The following MMS19 variants were observed in gnomAD, a reference collection of about 807,000 sequenced individuals.
The protein encoded by MMS19 is MMS19 nucleotide excision repair protein homolog.
Under a neutral mutation model 129.8 loss-of-function variants are expected in MMS19, and 77 were observed. That is an observed-to-expected ratio of 0.59 (90% CI 0.49 to 0.72). The LOEUF is 0.72. Ranked by LOEUF, MMS19 falls within the 30% of genes least tolerant of loss-of-function variation. The pLI is 0.00. For synonymous variants in MMS19, 491 were observed against 502.8 expected (o/e 0.98, Z 0.31); for missense variants, 1,168 against 1,266.3 (o/e 0.92, Z 1.18).
chr10:97,489,656 T>C (rs1442391316), intron 1 of MMS19, among the ~76,000 whole-genome samples: 2 of 152,226 alleles, frequency 1.3e-5, no homozygotes, highest in Non-Finnish European at 2.9e-5. Flanking sequence ...CAATTAAGAA[T>C]ACCAAATTGC....
chr10:97,464,591 A>G (rs980904344), intron 18 of MMS19, among the ~76,000 whole-genome samples: 1 of 152,182 alleles, frequency 6.6e-6, no homozygotes, highest in Admixed American at 6.5e-5. Context: ...ACAAGCTCCC[A>G]GATGTCACCC....
In MMS19 at chr10:97,470,202, A is replaced by G. The variant is rs1488440107; in HGVS notation, c.773T>C (p.Phe258Ser). Residue 258 changes from phenylalanine (F) to serine (S), a missense_variant and splice_region_variant, in exon 10 of 31, where the codon TTT (phenylalanine) becomes TCT (serine). Phe to Ser is a radical substitution (Grantham distance 155). This residue lies in a region of MMS19 where 329 missense variants were observed against 328.6 expected (regional missense o/e 1.00). Transcript: ENST00000438925. Reference sequence around the variant, plus strand: ...TTTCTCAATCAACAGGGGCAGCAGAAACTGTGGGACAGAAGGAAGATCTTA... The same window carrying G: ...TTTCTCAATCAACAGGGGCAGCAGAGACTGTGGGACAGAAGGAAGATCTTA... ...VLASTPRFAE[F>S]LLPLLIEKVD... The G allele has an allele frequency of 3.7e-6, 6 of 1,603,744 alleles. No homozygotes were observed. The highest frequency in any genetic ancestry group is 5.1e-6 in the Non-Finnish European group (6 of 1,174,742).
chr10:97,483,080 G>A (rs909169129), intron 2 of MMS19, among the ~76,000 whole-genome samples: 4 of 151,018 alleles, frequency 2.6e-5, no homozygotes, highest in Non-Finnish European at 4.4e-5. Context: ...TTTTGATGGG[G>A]GTCTCACTCT....
In MMS19 at chr10:97,461,858, A is replaced by T. The variant is rs921305081; in HGVS notation, c.2154T>A (p.Leu718=). The T allele has an allele frequency of 5.6e-6, 9 of 1,609,680 alleles. No homozygotes were observed. The highest frequency in any genetic ancestry group is 7.6e-6 in the Non-Finnish European group (9 of 1,178,078). The part of the protein sequence containing the change: ...SSGQRRLIAL[L]MAFVCSLPRN... ...GAGGCAGGGAGCAGACAAAGGCCAT[A>T]AGCAGTGCAATCAGCCGCCTCTGCC... Residue 718 remains leucine (L), a synonymous_variant, in exon 22 of 31, where the codon CTT becomes CTA. Coordinates refer to ENST00000438925, the MANE Select transcript of MMS19 (RefSeq NM_022362.5).
intron 2 of MMS19, among the ~76,000 whole-genome samples, 177 bp from the exon 3 acceptor site, chr10:97,481,219 A>G (rs931205262): frequency 1.3e-5 from 2 of 152,188 alleles, no homozygotes; most frequent in African/African-American, 2.4e-5. Context: ...GATACCAGTA[A>G]GGACAGAAGG....
intron 1 of MMS19, 84 bp from the exon 2 acceptor site, chr10:97,484,235 G>T: frequency 2.1e-6 from 2 of 962,864 alleles, no homozygotes; most frequent in Non-Finnish European, 3.0e-6. Flanking sequence ...AATGTTTCCT[G>T]CCTGCCCTAG....
rs1244107165 is a variant in MMS19, at chr10:97,469,734, A to C, written c.847-11T>G. 2 of 1,612,908 alleles carry C rather than the reference A, an allele frequency of 1.2e-6. No individual in the cohort carries two copies. The highest frequency in any genetic ancestry group is 1.7e-6 in the Non-Finnish European group (2 of 1,179,120). ...AGCACAGCAAGCATTCTGCCAAGGA[A>C]ACCGCTGCTATCAGTTATGTACACA... On this transcript the variant is annotated splice_polypyrimidine_tract_variant and intron_variant, in intron 10 of 30. Coordinates refer to ENST00000438925, the MANE Select transcript of MMS19 (RefSeq NM_022362.5).
chr10:97,481,711 A>G (rs1325083567), intron 2 of MMS19, among the ~76,000 whole-genome samples: 1 of 152,152 alleles, frequency 6.6e-6, no homozygotes, highest in Non-Finnish European at 1.5e-5. Context: ...CATACTAGAA[A>G]TAATCTAAGC....
chr10:97,478,148 A>G (rs1244105587), intron 4 of MMS19, among the ~76,000 whole-genome samples, 156 bp downstream of exon 4: 1 of 152,222 alleles, frequency 6.6e-6, no homozygotes. Flanking sequence ...TTTACTCTCT[A>G]GAGGGAAAAC....
chr10:97,493,883 T>C (rs2039366304), intron 1 of MMS19, among the ~76,000 whole-genome samples: 1 of 152,022 alleles, frequency 6.6e-6, no homozygotes, highest in African/African-American at 2.4e-5. Context: ...TGTGTGGTGA[T>C]GCATGCTTGT....
intron 1 of MMS19, among the ~76,000 whole-genome samples, chr10:97,486,862 C>CACATATATATATATATATATATATATAT (rs1491353044): frequency 1.2e-5 from 1 of 85,080 alleles, no homozygotes; most frequent in African/African-American, 4.1e-5. Flanking sequence ...ATTAAAGTGC[C>CACATATATATATATATATATATATATAT]ATATATATAT....
In MMS19 at chr10:97,465,771, G is replaced by A. The variant is rs761741926; in HGVS notation, c.1756+34C>T. On this transcript the variant is annotated intron_variant, in intron 18 of 30. Transcript: ENST00000438925. The stretch of plus-strand genomic sequence containing the variant: ...CTTAGAGACTACAGCTCCCTATTCA[G>A]CCCAGTCCGTTGGTGGTTATTCCTA... The A allele has an allele frequency of 8.1e-6, 13 of 1,596,028 alleles. No individual in the cohort carries two copies. The South Asian group carries it at 1.5e-4, about 18-fold the overall frequency.
Position 97,469,650 on chromosome 10 carries a change from C to G in MMS19, c.920G>C (p.Arg307Thr). 1.9e-6 allele frequency: 3 copies of G among 1,613,374 alleles called. No homozygotes were observed. Among genetic ancestry groups the G allele is most frequent in the Non-Finnish European group, 2.5e-6 (3 of 1,179,330 alleles). ...GTTTATCTGAGTGACACTCACCTCT[C>G]TGCGGATAGAAGCCCAAAGGCTGGG... ...FLPSLWASIR[R>T]EVFQTASERV... Residue 307 changes from arginine (R) to threonine (T), a missense_variant, in exon 11 of 31, where the codon AGA (arginine) becomes ACA (threonine). By Grantham distance (71) the Arg-to-Thr change is moderately conservative. Around this residue, in one of 3 missense-constraint regions of MMS19, gnomAD observed 831 missense variants for 910.8 expected, o/e 0.91. Transcript: ENST00000438925.
Position 97,466,603 on chromosome 10 carries a change from C to A in MMS19, c.1424-18G>T. The A allele has an allele frequency of 6.2e-7, 1 of 1,601,976 alleles. No individual in the cohort carries two copies. The highest frequency in any genetic ancestry group is 8.6e-7 in the Non-Finnish European group (1 of 1,168,942). On this transcript the variant is annotated intron_variant, in intron 15 of 30. Coordinates refer to ENST00000438925, the MANE Select transcript of MMS19 (RefSeq NM_022362.5). ...TAGGAGATCTGTAGTTAGAAGGGAA[C>A]ATGAATCTCATCTTTCTTCCCCTGC... is the stretch of plus-strand genomic sequence containing the variant.
rs780678700 is a variant in MMS19 at position 97,466,001 on chromosome 10, C to G, written c.1607-47G>C. ...AAGGTTTACTGTGTGATAGGAAGCA[C>G]GAAGGCCCCAAAGCCTTGCTGGAAA... On this transcript the variant is annotated intron_variant, in intron 17 of 30. Coordinates refer to ENST00000438925, the MANE Select transcript of MMS19 (RefSeq NM_022362.5). 3.7e-6 allele frequency: 6 copies of G among 1,611,854 alleles called. No homozygotes were observed. In the East Asian group the frequency reaches 1.1e-4, roughly 30 times the overall value.
At chr10:97,492,044 A>G (rs2038982101) in intron 1 of MMS19, among the ~76,000 whole-genome samples, 1 of 151,596 alleles carries the variant, frequency 6.6e-6, no homozygotes, top group East Asian at 1.9e-4. Flanking sequence ...AGGCTGAGGC[A>G]GGAGAATCAC....
chr10:97,489,123 G>A (rs372254944), intron 1 of MMS19, among the ~76,000 whole-genome samples: 4 of 152,202 alleles, frequency 2.6e-5, no homozygotes, highest in Admixed American at 6.5e-5. Flanking sequence ...TTACAGACAT[G>A]AGCCAACACA....
chr10:97,478,710 A>G (rs1045095309), intron 3 of MMS19, among the ~76,000 whole-genome samples: 4 of 152,252 alleles, frequency 2.6e-5, no homozygotes, highest in African/African-American at 9.6e-5. Flanking sequence ...CTTACAGGGT[A>G]TGGTCTCTAT....
intron 26 of MMS19, 113 bp from the exon 27 acceptor site, chr10:97,459,854 C>CT: frequency 9.9e-7 from 1 of 1,008,168 alleles, no homozygotes; most frequent in Non-Finnish European, 1.5e-6. Context: ...GGTGAAAGAG[C>CT]CCTTCACGCT....
Sources: allele counts gnomAD v4.1 joint callset (sites outside exome capture counted in the v4.1 genomes callset), GRCh38; gene constraint gnomAD v4.1.1; regional missense constraint gnomAD v4.1.1; transcripts MANE v1.5; gene names NCBI Gene and HGNC (gene_info 2026-07-23, HGNC 2026-07-21).